CNNM2: variants seen among roughly 807,000 people sequenced by gnomAD.
CNNM2 encodes the protein cyclin and CBS domain divalent metal cation transport mediator 2.
A neutral mutation model predicts 66.9 loss-of-function variants in CNNM2; 12 were observed. That is an observed-to-expected ratio of 0.18 (90% CI 0.11 to 0.29). The LOEUF (loss-of-function observed/expected upper bound fraction) is 0.29, where lower values mean the gene tolerates loss of function less well. Ranked by LOEUF, CNNM2 falls within the 10% of genes least tolerant of loss-of-function variation. The pLI is 1.00. For synonymous variants in CNNM2, 557 were observed against 501.8 expected, an observed-to-expected ratio of 1.11 and a Z score of -1.47; for missense variants, 705 against 1,167.7, an observed-to-expected ratio of 0.60 and a Z score of 5.77.
intron 4 of CNNM2, among the ~76,000 whole-genome samples, chr10:103,062,326 C>T (rs563541533): frequency 8.5e-5 from 13 of 152,292 alleles, no homozygotes; most frequent in African/African-American, 2.2e-4. Flanking sequence ...AGTATGCCTT[C>T]ACCCTTCACC....
intron 1 of CNNM2, among the ~76,000 whole-genome samples, chr10:102,938,289 C>T (rs1445876801): frequency 1.4e-5 from 2 of 147,708 alleles, no homozygotes; most frequent in Non-Finnish European, 3.0e-5. Flanking sequence ...AAAAAAAATA[C>T]AAAAATTAGC....
intron 1 of CNNM2, among the ~76,000 whole-genome samples, chr10:102,932,058 T>C (rs566379338): frequency 6.6e-6 from 1 of 152,316 alleles, no homozygotes; most frequent in East Asian, 1.9e-4. Flanking sequence ...GTAAGAGTTC[T>C]TTTTATATTC....
chr10:103,065,325 C>G (rs2065458177), intron 4 of CNNM2, among the ~76,000 whole-genome samples: 1 of 152,170 alleles, frequency 6.6e-6, no homozygotes, highest in Non-Finnish European at 1.5e-5. Flanking sequence ...CCCAGATTCA[C>G]CTATATTGTT....
At chr10:103,010,595 G>A (rs1052640254) in intron 1 of CNNM2, among the ~76,000 whole-genome samples, 1 of 151,838 alleles carries the variant, frequency 6.6e-6, no homozygotes, top group Non-Finnish European at 1.5e-5. Flanking sequence ...AAATGTTAAA[G>A]GGTAGTGGGA....
intron 1 of CNNM2, among the ~76,000 whole-genome samples, chr10:103,016,887 C>T (rs2064462514): frequency 1.3e-5 from 2 of 152,056 alleles, no homozygotes; most frequent in African/African-American, 4.8e-5. Flanking sequence ...TTGTTTCTTC[C>T]TTTTGTTTCC....
chr10:103,041,440 A>G (rs1490877873), intron 1 of CNNM2, among the ~76,000 whole-genome samples: 1 of 152,170 alleles, frequency 6.6e-6, no homozygotes, highest in Admixed American at 6.5e-5. Flanking sequence ...AGGGACTCAA[A>G]GAGGGAGGTG....
At chr10:102,960,443 T>A (rs1467644533) in intron 1 of CNNM2, among the ~76,000 whole-genome samples, 1 of 152,216 alleles carries the variant, frequency 6.6e-6, no homozygotes, top group Non-Finnish European at 1.5e-5. Flanking sequence ...GCCATCTGTT[T>A]TTCTTCATCT....
At chr10:102,978,622 C>G (rs879760635) in intron 1 of CNNM2, among the ~76,000 whole-genome samples, 1 of 152,142 alleles carries the variant, frequency 6.6e-6, no homozygotes, top group Non-Finnish European at 1.5e-5. Context: ...AGTCAGTGAT[C>G]TTTCAAACAA....
chr10:103,049,103 C>T (rs2065176039), intron 1 of CNNM2, among the ~76,000 whole-genome samples: 1 of 152,154 alleles, frequency 6.6e-6, no homozygotes, highest in Non-Finnish European at 1.5e-5. Context: ...GCCCGGGCCT[C>T]CCAAAGCTCT....
At chr10:103,046,154 A>G (rs1245374992) in intron 1 of CNNM2, among the ~76,000 whole-genome samples, 2 of 152,250 alleles carry the variant, frequency 1.3e-5, no homozygotes, top group South Asian at 2.1e-4. Context: ...ATCCTATTGC[A>G]GTAACAATTA....
intron 1 of CNNM2, among the ~76,000 whole-genome samples, chr10:102,962,176 G>T (rs1198599830): frequency 6.6e-6 from 1 of 152,120 alleles, no homozygotes; most frequent in African/African-American, 2.4e-5. Flanking sequence ...CCGGGGGGTG[G>T]TGGGGTAGGG....
chr10:103,011,342 A>G (rs1474149065), intron 1 of CNNM2, among the ~76,000 whole-genome samples: 3 of 152,034 alleles, frequency 2.0e-5, no homozygotes, highest in Admixed American at 2.0e-4. Context: ...AATCCCAGCT[A>G]CTCAGGAGGC....
chr10:102,920,195 C>G, intron 1 of CNNM2, 94 bp downstream of exon 1: 10 of 1,609,182 alleles, frequency 6.2e-6, no homozygotes, highest in Non-Finnish European at 8.5e-6. Flanking sequence ...CCCCCCAAGG[C>G]GAGTTGACCG....
intron 1 of CNNM2, among the ~76,000 whole-genome samples, chr10:102,924,181 C>T (rs1324813312): frequency 6.6e-6 from 1 of 152,024 alleles, no homozygotes; most frequent in Non-Finnish European, 1.5e-5. Context: ...GAAGGAAAAG[C>T]AAAATGAAAG....
chr10:103,076,288 A>G lies in CNNM2; in HGVS notation c.2418+18A>G. The G allele has an allele frequency of 6.4e-7, 1 of 1,552,722 alleles. No individual in the cohort carries two copies. The highest frequency in any genetic ancestry group is 8.7e-7 in the Non-Finnish European group (1 of 1,147,506). ...TTGTTAAGGTGAGAGACGTGAGTGC[A>G]GTGTGGCTGGACCTGGCAGTTAGTT... On this transcript the variant is annotated intron_variant, in intron 7 of 7. Coordinates refer to ENST00000369878, the MANE Select transcript of CNNM2 (RefSeq NM_017649.5).
intron 3 of CNNM2, among the ~76,000 whole-genome samples, chr10:103,055,174 C>A (rs1010094104): frequency 6.6e-6 from 1 of 152,136 alleles, no homozygotes; most frequent in African/African-American, 2.4e-5. Flanking sequence ...TCTCCCATCC[C>A]CAGATGCTCT....
chr10:103,071,564 G>A (rs1470008242), intron 5 of CNNM2, among the ~76,000 whole-genome samples: 2 of 152,204 alleles, frequency 1.3e-5, no homozygotes, highest in African/African-American at 4.8e-5. Context: ...TCGTGGGTAG[G>A]ATTTCTCCTG....
At chr10:103,063,223 C>T (rs910888832) in intron 4 of CNNM2, among the ~76,000 whole-genome samples, 12 of 152,178 alleles carry the variant, frequency 7.9e-5, no homozygotes, top group Admixed American at 5.9e-4. Context: ...AGATTGAAAG[C>T]ATTGCTAGAG....
intron 1 of CNNM2, among the ~76,000 whole-genome samples, chr10:102,933,551 G>A (rs1846131474): frequency 6.6e-6 from 1 of 152,154 alleles, no homozygotes; most frequent in African/African-American, 2.4e-5. Context: ...ACATGAGTTT[G>A]TTGAGGTTAT....
Sources: allele counts gnomAD v4.1 joint callset (sites outside exome capture counted in the v4.1 genomes callset), GRCh38; gene constraint gnomAD v4.1.1; transcripts MANE v1.5; gene names NCBI Gene and HGNC (gene_info 2026-07-23, HGNC 2026-07-21).